The following ANKRD55 variants were observed in gnomAD, a reference collection of about 807,000 sequenced individuals.
ANKRD55 encodes ankyrin repeat domain-containing protein 55.
A neutral mutation model predicts 60.6 loss-of-function variants in ANKRD55; 41 were observed. The observed-to-expected ratio is 0.68, with a 90% CI of 0.53 to 0.88. ANKRD55 has a LOEUF of 0.88. Ranked by LOEUF, ANKRD55 falls within the 40% of genes least tolerant of loss-of-function variation. The pLI, the probability that ANKRD55 is intolerant of heterozygous loss-of-function variation, is 0.00. For synonymous variants in ANKRD55, 264 were observed against 290.3 expected (o/e 0.91, Z 0.92); for missense variants, 732 against 767.6 (o/e 0.95, Z 0.55).
chr5:56,198,047 CTTTATTTGT>C (rs943816653), intron 2 of ANKRD55, among the ~76,000 whole-genome samples: 3 of 152,106 alleles, frequency 2.0e-5, no homozygotes, highest in African/African-American at 7.2e-5. Context: ...TATTGCCCTT[CTTTATTTGT>C]TTTATTACTA....
At chr5:56,216,922 T>G (rs1038769382) in intron 2 of ANKRD55, among the ~76,000 whole-genome samples, 4 of 152,226 alleles carry the variant, frequency 2.6e-5, no homozygotes, top group African/African-American at 9.6e-5. Context: ...TGAACGTGGC[T>G]ATAGTAAACA....
chr5:56,120,735 TAA>T (rs1356899163), intron 8 of ANKRD55, among the ~76,000 whole-genome samples: 1 of 151,830 alleles, frequency 6.6e-6, no homozygotes, highest in Non-Finnish European at 1.5e-5. Context: ...CTGTCTCTAC[TAA>T]AAATACAAAA....
At chr5:56,154,156 G>A (rs1452006805) in intron 6 of ANKRD55, among the ~76,000 whole-genome samples, 4 of 125,312 alleles carry the variant, frequency 3.2e-5, no homozygotes, top group Admixed American at 1.1e-4. Context: ...AGCCAAGATC[G>A]CACCACTGCA....
intron 2 of ANKRD55, among the ~76,000 whole-genome samples, chr5:56,208,405 T>A (rs1264649970): frequency 1.2e-4 from 18 of 147,232 alleles, no homozygotes; most frequent in African/African-American, 3.6e-4. Flanking sequence ...TGTGTTTTTT[T>A]AAAAAAAATA....
chr5:56,210,064 G>T (rs965407450), intron 2 of ANKRD55, among the ~76,000 whole-genome samples: 1 of 151,888 alleles, frequency 6.6e-6, no homozygotes, highest in African/African-American at 2.4e-5. Context: ...CTGGAGTGCC[G>T]TGGCACAATC....
chr5:56,166,110 CT>C (rs1273292504), intron 5 of ANKRD55, among the ~76,000 whole-genome samples: 26 of 67,804 alleles, frequency 3.8e-4, no homozygotes, highest in South Asian at 1.5e-3. Context: ...TTCTTTCTTT[CT>C]TTCTTTCTTT....
intron 7 of ANKRD55, among the ~76,000 whole-genome samples, chr5:56,140,828 T>C (rs554420230): frequency 1.9e-3 from 292 of 152,240 alleles, no homozygotes; most frequent in African/African-American, 5.1e-3. Context: ...TTTGGGAGGC[T>C]GAGGCAGGTG....
intron 8 of ANKRD55, among the ~76,000 whole-genome samples, chr5:56,121,091 C>T (rs1757034733): frequency 1.3e-5 from 2 of 152,062 alleles, no homozygotes; most frequent in Non-Finnish European, 2.9e-5. Context: ...ACAGCACTGA[C>T]ACAGCTGAAC....
Position 56,181,071 on chromosome 5 carries a change from G to T in ANKRD55, c.181+2441C>A, listed in dbSNP as rs184237755. On this transcript the variant is annotated intron_variant, in intron 3 of 11. Coordinates refer to ENST00000341048, the MANE Select transcript of ANKRD55 (RefSeq NM_024669.3). Reference sequence around the variant, plus strand: ...ACAAATTAGCTGGGAGCAGTGGTGAGCACCTGTAATCCCAGTTACTCAGGA... The same window carrying T: ...ACAAATTAGCTGGGAGCAGTGGTGATCACCTGTAATCCCAGTTACTCAGGA... 3.2e-4 allele frequency among the ~76,000 whole-genome samples: 49 copies of T among 152,206 alleles called. 1 individual carries two copies. Among genetic ancestry groups the T allele is most frequent in the African/African-American group, 1.1e-3 (47 of 41,528 alleles).
At chr5:56,233,187 T>C in intron 1 of ANKRD55, 54 bp downstream of exon 1, 1 of 407,292 alleles carries the variant, frequency 2.5e-6, no homozygotes, top group Non-Finnish European at 4.4e-6. Flanking sequence ...CCCAAATCAA[T>C]AAACACAATT....
chr5:56,192,857 G>A (rs781705466), intron 2 of ANKRD55: 3 of 680,562 alleles, frequency 4.4e-6, no homozygotes, highest in African/African-American at 3.7e-5. Flanking sequence ...ACAGAAAAAG[G>A]CCAAACATGT....
At chr5:56,205,689 T>A (rs1561291872) in intron 2 of ANKRD55, among the ~76,000 whole-genome samples, 2 of 152,164 alleles carry the variant, frequency 1.3e-5, no homozygotes, top group Non-Finnish European at 2.9e-5. Flanking sequence ...CTTCCTTGGA[T>A]CTTTTAAAAG....
chr5:56,118,630 T>TAAATAAAATA (rs145664184), intron 8 of ANKRD55, among the ~76,000 whole-genome samples: 75 of 149,268 alleles, frequency 5.0e-4, no homozygotes, highest in African/African-American at 1.8e-3. Context: ...TCTCAAAAAA[T>TAAATAAAATA]AAATAAAATA....
chr5:56,229,691 C>T (rs909724986), intron 2 of ANKRD55, among the ~76,000 whole-genome samples: 1 of 152,126 alleles, frequency 6.6e-6, no homozygotes, highest in Non-Finnish European at 1.5e-5. Context: ...TTCAGTCTTA[C>T]CAAACCCACC....
chr5:56,113,240 GTTAT>G (rs1238413773), intron 9 of ANKRD55, among the ~76,000 whole-genome samples: 20 of 152,070 alleles, frequency 1.3e-4, no homozygotes, highest in African/African-American at 4.8e-4. Flanking sequence ...ACATCACAAC[GTTAT>G]TTGTCTTTTT....
At chr5:56,176,108 G>C (rs762893604) in intron 4 of ANKRD55, 44 bp downstream of exon 4, 2 of 1,610,710 alleles carry the variant, frequency 1.2e-6, no homozygotes, top group African/African-American at 1.3e-5. Flanking sequence ...GACACCCTTC[G>C]CCTACCCTGC....
chr5:56,147,728 TTTC>T (rs1447306398), intron 6 of ANKRD55, among the ~76,000 whole-genome samples: 1 of 152,226 alleles, frequency 6.6e-6, no homozygotes, highest in Non-Finnish European at 1.5e-5. Flanking sequence ...TTTTTTTCTT[TTTC>T]TTTTTTTCAT....
chr5:56,133,065 G>T (rs1011656231), intron 7 of ANKRD55, among the ~76,000 whole-genome samples: 1 of 152,222 alleles, frequency 6.6e-6, no homozygotes, highest in Non-Finnish European at 1.5e-5. Flanking sequence ...CCGCTTTATA[G>T]TTGAAGACTT....
chr5:56,199,080 A>AAAACAAACAAACAAACAAACAAAC (rs56703145), intron 2 of ANKRD55, among the ~76,000 whole-genome samples: 2 of 150,214 alleles, frequency 1.3e-5, no homozygotes, highest in African/African-American at 2.5e-5. Flanking sequence ...ACTCTGTCTC[A>AAAACAAACAAACAAACAAACAAAC]AAACAAACAA....
Sources: gnomAD v4.1 joint callset for allele counts (sites outside exome capture counted in the v4.1 genomes callset) on GRCh38, gnomAD v4.1.1 for gene constraint, MANE v1.5 for transcripts, NCBI Gene and HGNC (gene_info 2026-07-23, HGNC 2026-07-21) for gene names.